The following TUT7 variants were observed in gnomAD, a reference collection of about 807,000 sequenced individuals.
The protein encoded by TUT7 is terminal uridylyltransferase 7.
In TUT7, 33 loss-of-function variants were observed where a neutral mutation model predicts 165.9. The ratio of observed to expected loss-of-function variants is 0.20; its 90% CI spans 0.15 to 0.27. The LOEUF (loss-of-function observed/expected upper bound fraction) is 0.27, where lower values mean the gene tolerates loss of function less well. Ranked by LOEUF, TUT7 falls within the 10% of genes least tolerant of loss-of-function variation. TUT7 has a pLI of 1.00. For missense variants in TUT7, 1,338 were observed against 1,762.3 expected, an observed-to-expected ratio of 0.76 and a Z score of 4.31; for synonymous variants, 552 against 608.1, an observed-to-expected ratio of 0.91 and a Z score of 1.36.
chr9:86,343,622 T>C (rs1415543017), intron 5 of TUT7, among the ~76,000 whole-genome samples: 1 of 152,204 alleles, frequency 6.6e-6, no homozygotes, highest in Non-Finnish European at 1.5e-5. Flanking sequence ...TGTAATTTAC[T>C]ATAAGGAGGT....
At chr9:86,292,563 T>A (rs1194476883) in intron 26 of TUT7, among the ~76,000 whole-genome samples, 1 of 150,134 alleles carries the variant, frequency 6.7e-6, no homozygotes, top group Non-Finnish European at 1.5e-5. Flanking sequence ...ATGTTGGTGA[T>A]GGTACTCAAG....
intron 26 of TUT7, among the ~76,000 whole-genome samples, chr9:86,297,081 G>T (rs923904669): frequency 6.6e-6 from 1 of 152,146 alleles, no homozygotes; most frequent in Non-Finnish European, 1.5e-5. Context: ...TTATAAATAT[G>T]TAGGTTTTTT....
In TUT7 at chr9:86,328,409, G is replaced by C. The variant is rs767455747; in HGVS notation, c.1539C>G (p.Asp513Glu). Residue 513 changes from aspartate (D) to glutamate (E), a missense_variant, in exon 11 of 27, where the codon GAC becomes GAG. Physicochemically the swap from Asp to Glu is conservative, Grantham distance 45. Coordinates refer to ENST00000375963, the MANE Select transcript of TUT7 (RefSeq NM_024617.4). ...EKDVVIWEHT[D>E]SAAGDTGITK... ...TTATGCCTGTGTCCCCTGCAGCACT[G>C]TCAGTATGTTCCCAGATCACAACAT... 13 of 1,613,112 alleles carry C rather than the reference G, an allele frequency of 8.1e-6. No homozygotes were observed.
chr9:86,325,588 G>A (rs368930180), intron 11 of TUT7, 74 bp from the exon 12 acceptor site: 3 of 1,405,704 alleles, frequency 2.1e-6, no homozygotes, highest in Non-Finnish European at 1.9e-6. Flanking sequence ...GATCATTTAA[G>A]CATCAAATTA....
chr9:86,304,372 G>A (rs559462107), intron 24 of TUT7, among the ~76,000 whole-genome samples: 2 of 152,150 alleles, frequency 1.3e-5, no homozygotes, highest in Non-Finnish European at 2.9e-5. Context: ...TTCAATAAAT[G>A]TGGTTCCTGA....
intron 16 of TUT7, 97 bp downstream of exon 16, chr9:86,318,861 G>T: frequency 2.3e-6 from 2 of 857,630 alleles, no homozygotes; most frequent in Non-Finnish European, 3.8e-6. Context: ...TATATGGTAT[G>T]CCCTGATAAA....
chr9:86,317,873 T>C (rs1458110469), intron 16 of TUT7, among the ~76,000 whole-genome samples: 2 of 152,114 alleles, frequency 1.3e-5, no homozygotes, highest in Non-Finnish European at 2.9e-5. Context: ...TCCCAGAACA[T>C]ACGTGGAATG....
At chr9:86,344,744 A>G (rs1022746627) in intron 5 of TUT7, 5 of 486,602 alleles carry the variant, frequency 1.0e-5, no homozygotes, top group African/African-American at 1.0e-4. Context: ...CATTCAACTT[A>G]AAGTTCACAC....
intron 10 of TUT7, chr9:86,336,848 C>CTTTCTGG (rs1249559633): frequency 2.6e-5 from 4 of 152,164 alleles, no homozygotes; most frequent in Non-Finnish European, 4.4e-5. Context: ...TTAATTTATC[C>CTTTCTGG]AGAAAGAAAG....
In TUT7 at chr9:86,343,153, T is replaced by C. The variant is rs1399487191; in HGVS notation, c.1008A>G (p.Leu336=). 1.3e-6 allele frequency: 2 copies of C among 1,550,942 alleles called. No homozygotes were observed. Among genetic ancestry groups the C allele is most frequent in the Non-Finnish European group, 1.7e-6 (2 of 1,148,188 alleles). The change falls in exon 6 of 27, where the codon CTA becomes CTG. Residue 336 remains leucine (L), a synonymous_variant. Transcript: ENST00000375963. ...VFQHKLPDCS[L]RLYGSSCSRL... The stretch of plus-strand genomic sequence containing the variant: ...TGCTACAGGATGACCCATATAATCT[T>C]AGGGAACAATCTAAAAAATAAATAA...
chr9:86,299,103 C>T (rs541943714), intron 26 of TUT7, among the ~76,000 whole-genome samples: 56 of 152,082 alleles, frequency 3.7e-4, no homozygotes, highest in Non-Finnish European at 6.5e-4. Flanking sequence ...GCCAGCACAG[C>T]GCAAGGACAT....
rs1032158786 is a variant in TUT7 at position 86,353,357 on chromosome 9, T to C, written c.-31-127A>G. The C allele has an allele frequency of 1.5e-5, 11 of 742,866 alleles. No individual in the cohort carries two copies. The African/African-American group carries it at 2.0e-4, about 13-fold the overall frequency. The allele number at this position is 742,866 out of a possible 1,614,324, so 46.0% of individuals were successfully genotyped here. On this transcript the variant is annotated intron_variant, in intron 1 of 26. Transcript: ENST00000375963. ...AAAGAAACTCCCTATTTTTTTAAAA[T>C]AAAAATTCTATCACATTCTTAATAA...
chr9:86,331,929 A>G (rs562770558), intron 10 of TUT7, among the ~76,000 whole-genome samples: 43 of 152,346 alleles, frequency 2.8e-4, no homozygotes, highest in Admixed American at 8.5e-4. Flanking sequence ...CCCATTAAAA[A>G]GTTTGGGTAA....
chr9:86,291,694 A>G (rs1825912322), intron 26 of TUT7, among the ~76,000 whole-genome samples: 1 of 152,220 alleles, frequency 6.6e-6, no homozygotes, highest in Non-Finnish European at 1.5e-5. Flanking sequence ...AATTCTGAAA[A>G]ATTAATAAAT....
intron 17 of TUT7, among the ~76,000 whole-genome samples, chr9:86,315,168 G>A (rs1304809967): frequency 6.6e-6 from 1 of 152,168 alleles, no homozygotes; most frequent in African/African-American, 2.4e-5. Flanking sequence ...TGTGCACATA[G>A]GAGGCACCCA....
Position 86,311,769 on chromosome 9 carries a change from G to A in TUT7, c.3275-960C>T, listed in dbSNP as rs543380485. The stretch of plus-strand genomic sequence containing the variant: ...CGAGTGCCTGCGATTGCAGGTGCGC[G>A]CCGCCACGCCTGACTGGTTTTCGTA... On this transcript the variant is annotated intron_variant, in intron 17 of 26. Coordinates refer to ENST00000375963, the MANE Select transcript of TUT7 (RefSeq NM_024617.4). The surrounding 1 kb of genome is among the most constrained non-coding windows in gnomAD (Gnocchi z 4.4). Among the ~76,000 whole-genome samples, 335 of 152,038 alleles carry A rather than the reference G, an allele frequency of 2.2e-3. 1 individual carries two copies. Among genetic ancestry groups the A allele is most frequent in the African/African-American group, 7.3e-3 (303 of 41,428 alleles).
intron 18 of TUT7, 150 bp downstream of exon 18, chr9:86,310,556 A>T (rs1827955439): frequency 1.7e-6 from 1 of 595,828 alleles, no homozygotes; most frequent in Non-Finnish European, 3.0e-6. Flanking sequence ...CAGCCTCAGA[A>T]CACTGCCAGG....
chr9:86,348,449 T>C (rs1200758984), intron 2 of TUT7, among the ~76,000 whole-genome samples: 3 of 152,008 alleles, frequency 2.0e-5, no homozygotes, highest in Non-Finnish European at 4.4e-5. Flanking sequence ...GGATTGAAAA[T>C]ATAGATTAAA....
chr9:86,352,391 T>C (rs1254922102), intron 2 of TUT7, among the ~76,000 whole-genome samples: 1 of 152,194 alleles, frequency 6.6e-6, no homozygotes, highest in African/African-American at 2.4e-5. Flanking sequence ...CTGGAGCATA[T>C]AGCTACCCTC....
Sources: allele counts gnomAD v4.1 joint callset (sites outside exome capture counted in the v4.1 genomes callset), GRCh38; gene constraint gnomAD v4.1.1; non-coding constraint Gnocchi (gnomAD v3.1); transcripts MANE v1.5; gene names NCBI Gene and HGNC (gene_info 2026-07-23, HGNC 2026-07-21).